The following EDIL3 variants were observed in gnomAD, a reference collection of about 807,000 sequenced individuals.
EDIL3 encodes the protein EGF like and discoidin domains 3.
Under a neutral mutation model 67.4 loss-of-function variants are expected in EDIL3, and 37 were observed. The ratio of observed to expected loss-of-function variants is 0.55; its 90% CI spans 0.42 to 0.72. The LOEUF (loss-of-function observed/expected upper bound fraction) is 0.72. Among genes scored for constraint, EDIL3 ranks in the 30% least tolerant of loss-of-function variants. The probability of loss-of-function intolerance (pLI) is 0.00; values close to 1 mark genes in which losing one functional copy is unlikely to be tolerated. For missense variants in EDIL3, 527 were observed against 586.3 expected, an observed-to-expected ratio of 0.90 and a Z score of 1.04; for synonymous variants, 195 against 196.3, an observed-to-expected ratio of 0.99 and a Z score of 0.05.
intron 4 of EDIL3, among the ~76,000 whole-genome samples, chr5:84,139,459 A>G (rs955839623): frequency 2.0e-4 from 31 of 152,146 alleles, no homozygotes; most frequent in Admixed American, 1.8e-3. Flanking sequence ...ATTAAACTAT[A>G]TTTATATTGG....
chr5:84,054,323 C>T (rs1746401591), intron 9 of EDIL3, among the ~76,000 whole-genome samples: 1 of 152,106 alleles, frequency 6.6e-6, no homozygotes, highest in South Asian at 2.1e-4. Context: ...ATAATAAGAG[C>T]TATTTATGAC....
chr5:84,209,633 A>AG (rs1554035860), intron 3 of EDIL3, among the ~76,000 whole-genome samples: 13 of 101,992 alleles, frequency 1.3e-4, no homozygotes, highest in Non-Finnish European at 2.0e-4. Context: ...AACTAAACTT[A>AG]TTAAAAAAAA....
chr5:84,044,573 T>G (rs982548112), intron 9 of EDIL3, among the ~76,000 whole-genome samples: 2 of 152,154 alleles, frequency 1.3e-5, no homozygotes, highest in African/African-American at 4.8e-5. Flanking sequence ...AGAAGGTCAT[T>G]TTGAAAACTG....
chr5:84,119,031 A>G (rs559159857), intron 5 of EDIL3, among the ~76,000 whole-genome samples: 1 of 152,196 alleles, frequency 6.6e-6, no homozygotes, highest in African/African-American at 2.4e-5. Context: ...CACATAGTAA[A>G]TTATATGGCA....
At chr5:84,260,165 G>T (rs982398235) in intron 1 of EDIL3, among the ~76,000 whole-genome samples, 1 of 152,158 alleles carries the variant, frequency 6.6e-6, no homozygotes, top group Non-Finnish European at 1.5e-5. Flanking sequence ...AGCACTCACT[G>T]TAATAAAAGC....
intron 4 of EDIL3, among the ~76,000 whole-genome samples, chr5:84,167,729 T>C (rs926223669): frequency 1.3e-5 from 2 of 152,136 alleles, no homozygotes; most frequent in Non-Finnish European, 1.5e-5. Context: ...TTATTTCTAT[T>C]CTAAAACCAA....
intron 9 of EDIL3, among the ~76,000 whole-genome samples, chr5:84,054,224 T>C (rs1364347515): frequency 4.6e-5 from 7 of 152,184 alleles, no homozygotes; most frequent in Non-Finnish European, 2.9e-5. Context: ...ATTTTCTCAA[T>C]AGATGCAGAA....
At chr5:84,340,659 A>G (rs951483618) in intron 1 of EDIL3, among the ~76,000 whole-genome samples, 13 of 150,284 alleles carry the variant, frequency 8.7e-5, no homozygotes, top group Non-Finnish European at 1.6e-4. Flanking sequence ...TTTAGATTCC[A>G]CTTTAATAGC....
At chr5:84,048,257 C>A (rs1746260378) in intron 9 of EDIL3, 2 of 442,246 alleles carry the variant, frequency 4.5e-6, no homozygotes, top group Admixed American at 2.5e-5. Flanking sequence ...TTTTGAAAAC[C>A]TTTCCTTTAG....
At chr5:84,368,509 TA>T (rs1441896637) in intron 1 of EDIL3, among the ~76,000 whole-genome samples, 2 of 152,088 alleles carry the variant, frequency 1.3e-5, no homozygotes, top group Non-Finnish European at 2.9e-5. Context: ...ATCTAAGATC[TA>T]AAACTTCAAA....
At chr5:84,373,373 T>A (rs992466840) in intron 1 of EDIL3, among the ~76,000 whole-genome samples, 2 of 152,320 alleles carry the variant, frequency 1.3e-5, no homozygotes, top group East Asian at 3.9e-4. Flanking sequence ...CTCTCATGTT[T>A]GTAATTACCA....
rs529959278 is a variant in EDIL3 at position 83,954,760 on chromosome 5, A to G, written c.1293+8445T>C. On this transcript the variant is annotated intron_variant, in intron 10 of 10. Transcript: ENST00000296591. ...CTATCAAAATAATGACATAGTTTCT[A>G]TCATACTCAGATTGATCGAGTACTT... 1.3e-4 allele frequency among the ~76,000 whole-genome samples: 19 copies of G among 151,938 alleles called. No individual in the cohort carries two copies. In the East Asian group the frequency reaches 3.7e-3, roughly 30 times the overall value.
chr5:84,266,263 T>A (rs1411338960), intron 1 of EDIL3, among the ~76,000 whole-genome samples: 1 of 152,130 alleles, frequency 6.6e-6, no homozygotes, highest in Admixed American at 6.6e-5. Context: ...TGGTATTCAG[T>A]CTCTGTATCC....
At chr5:84,357,304 G>A (rs1747507130) in intron 1 of EDIL3, among the ~76,000 whole-genome samples, 1 of 151,906 alleles carries the variant, frequency 6.6e-6, no homozygotes, top group Admixed American at 6.6e-5. Context: ...GTATACCATT[G>A]TACTACCTGT....
intron 9 of EDIL3, among the ~76,000 whole-genome samples, chr5:84,052,430 T>G (rs144461582): frequency 0.059 from 8,708 of 146,876 alleles, 844 homozygotes; most frequent in African/African-American, 0.21. Flanking sequence ...GCTAACATCA[T>G]AATGACAGGA....
intron 3 of EDIL3, among the ~76,000 whole-genome samples, chr5:84,187,117 T>A (rs1215585771): frequency 6.6e-6 from 1 of 152,068 alleles, no homozygotes; most frequent in Admixed American, 6.6e-5. Context: ...TTGCAGGTAA[T>A]CTTTAAGTAG....
chr5:84,349,943 T>C (rs1747320756), intron 1 of EDIL3, among the ~76,000 whole-genome samples: 1 of 152,178 alleles, frequency 6.6e-6, no homozygotes, highest in South Asian at 2.1e-4. Flanking sequence ...ACTTGCTTAA[T>C]CCTTATAACA....
chr5:84,367,757 G>A (rs564546592), intron 1 of EDIL3, among the ~76,000 whole-genome samples: 14 of 152,204 alleles, frequency 9.2e-5, no homozygotes, highest in African/African-American at 2.2e-4. Context: ...CACTCCAGCC[G>A]TAGATGATGG....
intron 3 of EDIL3, among the ~76,000 whole-genome samples, chr5:84,226,893 A>T (rs1744462821): frequency 6.6e-6 from 1 of 151,994 alleles, no homozygotes; most frequent in African/African-American, 2.4e-5. Flanking sequence ...TGCATTTCAC[A>T]AAAAGGCCTT....
Sources: gnomAD v4.1 joint callset for allele counts (sites outside exome capture counted in the v4.1 genomes callset) on GRCh38, gnomAD v4.1.1 for gene constraint, MANE v1.5 for transcripts, NCBI Gene and HGNC (gene_info 2026-07-23, HGNC 2026-07-21) for gene names.